The following TNFSF10 variants were observed in gnomAD, a reference collection of about 807,000 sequenced individuals.
TNFSF10 encodes the protein tumor necrosis factor ligand superfamily member 10.
TNFSF10 carries 13 observed loss-of-function variants against 29.5 expected under a neutral mutation model. The ratio of observed to expected loss-of-function variants is 0.44; its 90% CI spans 0.29 to 0.70. TNFSF10 has a LOEUF of 0.70. Among genes scored for constraint, TNFSF10 ranks in the 30% least tolerant of loss-of-function variants. The pLI, the probability that TNFSF10 is intolerant of heterozygous loss-of-function variation, is 0.13. For synonymous variants in TNFSF10, 111 were observed against 112.8 expected, an observed-to-expected ratio of 0.98 and a Z score of 0.10; for missense variants, 345 against 330.9, an observed-to-expected ratio of 1.04 and a Z score of -0.33.
In TNFSF10 at chr3:172,523,182, A is replaced by T. The variant is rs542180202; in HGVS notation, c.132+71T>A. On this transcript the variant is annotated intron_variant, in intron 1 of 4. Transcript: ENST00000241261. ...AAAGTCTTCAGAGAGGGGCAAGCTG[A>T]CATGCAAAGAAGCAGGTAACCAGAC... is the stretch of plus-strand genomic sequence containing the variant. The T allele has an allele frequency of 1.0e-5, 15 of 1,493,936 alleles. No individual in the cohort carries two copies. In the Admixed American group the frequency reaches 2.0e-4, roughly 20 times the overall value. The allele number at this position is 1,493,936 out of a possible 1,614,324, so 92.5% of individuals were successfully genotyped here.
Position 172,515,988 on chromosome 3 carries a change from C to T in TNFSF10, c.133-990G>A, listed in dbSNP as rs962772034. 3.9e-5 allele frequency among the ~76,000 whole-genome samples: 6 copies of T among 152,052 alleles called. No individual in the cohort carries two copies. In the East Asian group the frequency reaches 7.7e-4, roughly 20 times the overall value. ...GAAAAAATCTGCTGAATTGGCCAGGCGCGGTGGCTCATGCCTATAATCCCA... is the reference window on the plus strand; with the variant it reads ...GAAAAAATCTGCTGAATTGGCCAGGTGCGGTGGCTCATGCCTATAATCCCA... On this transcript the variant is annotated intron_variant, in intron 1 of 4. Coordinates refer to ENST00000241261, the MANE Select transcript of TNFSF10 (RefSeq NM_003810.4).
Position 172,522,482 on chromosome 3 carries a change from T to C in TNFSF10, c.132+771A>G, listed in dbSNP as rs553500288. ...CTTAATTGGTTAGAATCTCTTACTG[T>C]GCACCTTTTAAAACCTGCTGCACAT... On this transcript the variant is annotated intron_variant, in intron 1 of 4. Transcript: ENST00000241261. 79 of 1,227,654 alleles carry C rather than the reference T, an allele frequency of 6.4e-5. No individual in the cohort carries two copies. The South Asian group carries it at 9.1e-4, about 14-fold the overall frequency. The allele number at this position is 1,227,654 out of a possible 1,614,324, so 76.0% of individuals were successfully genotyped here.
In TNFSF10 at chr3:172,523,399, C is replaced by A. The variant is rs1423983583; in HGVS notation, c.-15G>T. On this transcript the variant is annotated 5_prime_UTR_variant, in exon 1 of 5. Transcript: ENST00000241261. ...ATCATAGCCATGATCCTGTCAGAGT[C>A]TGACTGCTGTAAGTCAGCCAGGCAG... The A allele has an allele frequency of 6.2e-7, 1 of 1,606,782 alleles. No individual in the cohort carries two copies. Among genetic ancestry groups the A allele is most frequent in the Non-Finnish European group, 8.5e-7 (1 of 1,174,546 alleles).
rs1713124040 is a variant in TNFSF10, at chr3:172,509,334, T to C, written c.314-13A>G. ...TTTTGTTGCTTTTCTAAAAGAGAAA[T>C]GATAAAGGGTCATCAACACTTGCCA... On this transcript the variant is annotated splice_polypyrimidine_tract_variant and intron_variant, in intron 3 of 4. Transcript: ENST00000241261. 1 of 1,607,656 alleles carries C rather than the reference T, an allele frequency of 6.2e-7. No individual in the cohort carries two copies. The highest frequency in any genetic ancestry group is 8.5e-7 in the Non-Finnish European group (1 of 1,175,142).
intron 1 of TNFSF10, 29 bp from the exon 2 acceptor site, chr3:172,515,027 T>G (rs779126776): frequency 3.8e-5 from 62 of 1,612,986 alleles, no homozygotes; most frequent in Non-Finnish European, 4.9e-5. Context: ...TAACACAATA[T>G]TTTGCATAAG....
At chr3:172,521,569 T>G (rs1160742870) in intron 1 of TNFSF10, among the ~76,000 whole-genome samples, 1 of 152,188 alleles carries the variant, frequency 6.6e-6, no homozygotes, top group Non-Finnish European at 1.5e-5. Flanking sequence ...TGGAAGGATG[T>G]GGAGAAATAG....
Position 172,509,199 on chromosome 3 carries a change from ATTTG to A in TNFSF10, c.418+14_418+17del, listed in dbSNP as rs1288850101. On this transcript the variant is annotated intron_variant, in intron 4 of 4. Coordinates refer to ENST00000241261, the MANE Select transcript of TNFSF10 (RefSeq NM_003810.4). ...TCCATTATTTTCCCTTAAGTCACTT[ATTTG>A]TTGTTTCTCTTACTTGGAGAAGACA... is the stretch of plus-strand genomic sequence containing the variant. 6.3e-7 allele frequency: 1 copy of A among 1,597,752 alleles called. No individual in the cohort carries two copies. The highest frequency in any genetic ancestry group is 2.2e-5 in the East Asian group (1 of 44,760).
chr3:172,522,052 G>A (rs1713719096), intron 1 of TNFSF10, among the ~76,000 whole-genome samples: 1 of 134,636 alleles, frequency 7.4e-6, no homozygotes, highest in African/African-American at 2.8e-5. Context: ...GGGGGTGGGA[G>A]GCTAGGGGAG....
rs576299638 is a variant in TNFSF10, at chr3:172,510,503, G to A, written c.313+1114C>T. On this transcript the variant is annotated intron_variant, in intron 3 of 4. Transcript: ENST00000241261. ...TAGATTTGAAAGCAAATTTTTAAAA[G>A]AGGAAATTTCCAACTGGTTATAGCA... Among the ~76,000 whole-genome samples, 260 of 152,232 alleles carry A rather than the reference G, an allele frequency of 1.7e-3. 1 individual carries two copies. Among genetic ancestry groups the A allele is most frequent in the African/African-American group, 6.1e-3 (255 of 41,544 alleles).
chr3:172,505,530 A>T lies in TNFSF10; in HGVS notation c.*962T>A, dbSNP rs190279762. 1.2e-4 allele frequency: 18 copies of T among 152,158 alleles called. No individual in the cohort carries two copies. Among genetic ancestry groups the T allele is most frequent in the Admixed American group, 1.2e-3 (18 of 15,284 alleles). 9.4% of individuals were successfully genotyped at this position (152,158 alleles called of 1,614,324 possible). On this transcript the variant is annotated 3_prime_UTR_variant, in exon 5 of 5. Coordinates refer to ENST00000241261, the MANE Select transcript of TNFSF10 (RefSeq NM_003810.4). ...TGATCATATTAAATTAAAAGTAAGA[A>T]ATTTATTTCTTCTGTAATATGTGTC...
At chr3:172,507,068 A>C in intron 4 of TNFSF10, 149 bp from the exon 5 acceptor site, 1 of 698,622 alleles carries the variant, frequency 1.4e-6, no homozygotes, top group Non-Finnish European at 2.3e-6. Flanking sequence ...TTCAATCTTA[A>C]TGTGGATTAT....
At chr3:172,518,671 T>C (rs1187776589) in intron 1 of TNFSF10, among the ~76,000 whole-genome samples, 1 of 152,244 alleles carries the variant, frequency 6.6e-6, no homozygotes, top group African/African-American at 2.4e-5. Flanking sequence ...AATCCAATGT[T>C]ATGAAGCCTT....
At chr3:172,507,120 G>A (rs1713024112) in intron 4 of TNFSF10, among the ~76,000 whole-genome samples, 1 of 152,120 alleles carries the variant, frequency 6.6e-6, no homozygotes, top group East Asian at 1.9e-4. Context: ...CTGCATCATT[G>A]TGACATTGGG....
intron 1 of TNFSF10, among the ~76,000 whole-genome samples, chr3:172,516,319 G>T (rs1367889913): frequency 1.3e-5 from 2 of 151,636 alleles, no homozygotes; most frequent in Non-Finnish European, 2.9e-5. Context: ...ATGAGAAAAT[G>T]ACAATTTTAA....
intron 1 of TNFSF10, chr3:172,517,423 TTATTACCCAGGAGTTTATAAAGCCTGGA>T: frequency 1.0e-6 from 1 of 985,152 alleles, no homozygotes; most frequent in Non-Finnish European, 1.2e-6. Context: ...TGTAGCTACA[TTATTACCCAGGAGTTTATAAAGCCTGGA>T]TACATTCAGG....
intron 1 of TNFSF10, among the ~76,000 whole-genome samples, chr3:172,520,609 C>T (rs1713645268): frequency 6.6e-6 from 1 of 152,228 alleles, no homozygotes; most frequent in Admixed American, 6.5e-5. Flanking sequence ...CCTACCACAT[C>T]TGTGAAGGCT....
chr3:172,506,760 T>C lies in TNFSF10; in HGVS notation c.578A>G (p.Gln193Arg). Reference sequence around the variant, plus strand: ...CTTTGTGTTTTCTTTTATTTCCTCCTGAAATCGAAAGTATGTTTGGGAATA... The same window carrying C: ...CTTTGTGTTTTCTTTTATTTCCTCCCGAAATCGAAAGTATGTTTGGGAATA... ...YIYSQTYFRF[Q>R]EEIKENTKND... Residue 193 changes from glutamine (Q) to arginine (R), a missense_variant, in exon 5 of 5, where the codon CAG becomes CGG. By Grantham distance (43) the Gln-to-Arg change is conservative (BLOSUM62 1). Transcript: ENST00000241261. 11 of 1,614,202 alleles carry C rather than the reference T, an allele frequency of 6.8e-6. No homozygotes were observed. Among genetic ancestry groups the C allele is most frequent in the Non-Finnish European group, 9.3e-6 (11 of 1,180,038 alleles).
Position 172,514,276 on chromosome 3 carries a change from T to C in TNFSF10, c.270+585A>G, listed in dbSNP as rs575625335. Reference sequence around the variant, plus strand: ...CTGCTGGAGGTCCTGTTTAAGCAACTTCCATAAACAGATACTTTTTGTAAT... The same window carrying C: ...CTGCTGGAGGTCCTGTTTAAGCAACCTCCATAAACAGATACTTTTTGTAAT... On this transcript the variant is annotated intron_variant, in intron 2 of 4. Coordinates refer to ENST00000241261, the MANE Select transcript of TNFSF10 (RefSeq NM_003810.4). 7.5e-4 allele frequency among the ~76,000 whole-genome samples: 114 copies of C among 152,250 alleles called. 1 individual carries two copies. Among genetic ancestry groups the C allele is most frequent in the Non-Finnish European group, 8.5e-4 (58 of 68,048 alleles).
intron 1 of TNFSF10, 130 bp downstream of exon 1, chr3:172,523,121 AGC>A: frequency 1.8e-6 from 2 of 1,114,998 alleles, no homozygotes; most frequent in Non-Finnish European, 2.4e-6. Flanking sequence ...TATGTGATTT[AGC>A]AGTTAGAGTG....
Sources: allele counts gnomAD v4.1 joint callset (sites outside exome capture counted in the v4.1 genomes callset), GRCh38; gene constraint gnomAD v4.1.1; transcripts MANE v1.5; gene names NCBI Gene and HGNC (gene_info 2026-07-23, HGNC 2026-07-21).